Variants in KMT2D observed in about 807,000 individuals in gnomAD.
KMT2D encodes lysine methyltransferase 2D.
KMT2D carries 55 observed loss-of-function variants against 512.7 expected under a neutral mutation model. The ratio of observed to expected loss-of-function variants is 0.11; its 90% CI spans 0.09 to 0.13. The LOEUF is 0.13. Ranked by LOEUF, KMT2D falls within the 10% of genes least tolerant of loss-of-function variation. The probability of loss-of-function intolerance (pLI) is 1.00; values close to 1 mark genes in which losing one functional copy is unlikely to be tolerated. For synonymous variants in KMT2D, 2,995 were observed against 2,904.0 expected (o/e 1.03, Z -1.01); for missense variants, 6,061 against 7,127.9 (o/e 0.85, Z 5.39).
Position 49,039,246 on chromosome 12 carries a change from G to C in KMT2D, c.8342C>G (p.Pro2781Arg), listed in dbSNP as rs766197076. Reference protein sequence around the residue: ...RLSRPPPPATPSSMDVNSRQL... With the variant: ...RLSRPPPPATRSSMDVNSRQL... ...CCGGCTGTTCACATCCATAGAGGAAGGCGTGGCTGGTGGAGGTGGCCGGGA... is the reference window on the plus strand; with the variant it reads ...CCGGCTGTTCACATCCATAGAGGAACGCGTGGCTGGTGGAGGTGGCCGGGA... Residue 2781 changes from proline to arginine, a missense_variant, in exon 34 of 55, where the codon CCT becomes CGT. By Grantham distance (103) the Pro-to-Arg change is moderately radical (BLOSUM62 -2). Around this residue, in one of 16 missense-constraint regions of KMT2D, gnomAD observed 527 missense variants for 578.9 expected, o/e 0.91. Coordinates refer to ENST00000301067, the MANE Select transcript of KMT2D (RefSeq NM_003482.4). This position sits in a 1 kb window ranked among gnomAD's most constrained non-coding sequence, Gnocchi z 5.0. 6.2e-7 allele frequency: 1 copy of C among 1,613,790 alleles called. No individual in the cohort carries two copies.
Position 49,022,749 on chromosome 12 carries a change from G to A in KMT2D, c.16179C>T (p.Thr5393=), listed in dbSNP as rs766403520. The change falls in exon 52 of 55, where the codon ACC becomes ACT. Residue 5393 remains threonine, a synonymous_variant. Coordinates refer to ENST00000301067, the MANE Select transcript of KMT2D (RefSeq NM_003482.4). The surrounding 1 kb of genome is among the most constrained non-coding windows in gnomAD (Gnocchi z 8.6). ...CCAGGTACACGTTGTTCTTCCATTC[G>A]GTGCGCAGCCGCCGGTACTGAGATG... ...SKSSQYRRLR[T]EWKNNVYLAR... The A allele has an allele frequency of 2.8e-5, 45 of 1,613,852 alleles. No homozygotes were observed. Among genetic ancestry groups the A allele is most frequent in the Non-Finnish European group, 3.6e-5 (42 of 1,179,882 alleles).
At position 49,022,465 on chromosome 12, in the gene KMT2D, C is replaced by T; in HGVS notation, c.16339-112G>A. ...GTGGGGGCTTTTGTTGCATGTACTT[C>T]ATTTCTCCTGCCTTTCCCTTCTCCC... is the stretch of plus-strand genomic sequence containing the variant. On this transcript the variant is annotated intron_variant, in intron 52 of 54. Transcript: ENST00000301067. The surrounding 1 kb of genome is among the most constrained non-coding windows in gnomAD (Gnocchi z 8.6). The T allele has an allele frequency of 2.0e-6, 3 of 1,496,270 alleles. No homozygotes were observed. In the South Asian group the frequency reaches 3.6e-5, roughly 18 times the overall value. 92.7% of individuals were successfully genotyped at this position (1,496,270 alleles called of 1,614,324 possible).
At position 49,035,046 on chromosome 12, in the gene KMT2D, G is replaced by A. The variant is rs557647602; in HGVS notation, c.10232-111C>T. The A allele has an allele frequency of 1.3e-4, 175 of 1,347,882 alleles. 2 individuals are homozygous for A. The South Asian group carries it at 1.7e-3, about 13-fold the overall frequency. 83.5% of individuals were successfully genotyped at this position (1,347,882 alleles called of 1,614,324 possible). Reference sequence around the variant, plus strand: ...ACCACGCCAGGCAGAACAATGGCACGGCAAGGCAGAAAGACCACTGAATTA... The same window carrying A: ...ACCACGCCAGGCAGAACAATGGCACAGCAAGGCAGAAAGACCACTGAATTA... On this transcript the variant is annotated intron_variant, in intron 35 of 54. Transcript: ENST00000301067.
At chr12:49,058,990 G>C (rs1204705299) in intron 1 of KMT2D, among the ~76,000 whole-genome samples, 7 of 151,630 alleles carry the variant, frequency 4.6e-5, no homozygotes, top group Non-Finnish European at 1.0e-4. Context: ...GTTTAAAGTT[G>C]AACAGCAGGG....
rs771725967 is a variant in KMT2D, at chr12:49,052,443, G to A, written c.1259-19C>T. On this transcript the variant is annotated intron_variant, in intron 10 of 54. Transcript: ENST00000301067. Reference sequence around the variant, plus strand: ...GCTTTCCCTGCAGACACAACAACACGATGCTCCTATCTAGCTCAGATCTAC... The same window carrying A: ...GCTTTCCCTGCAGACACAACAACACAATGCTCCTATCTAGCTCAGATCTAC... 13 of 1,540,624 alleles carry A rather than the reference G, an allele frequency of 8.4e-6. 1 individual carries two copies. The highest frequency in any genetic ancestry group is 5.0e-5 in the South Asian group (4 of 79,724).
At position 49,054,627 on chromosome 12, in the gene KMT2D, C is replaced by G. The variant is rs771228283; in HGVS notation, c.301G>C (p.Gly101Arg). ...ACTGCCTCATTGGGCCCTGGGCTCC[C>G]CCCAGGGGACACCACTGGACACCGG... ...WPRCPVVSPG[G>R]SPGPNEAVLP... is the part of the protein sequence containing the mutation. Residue 101 changes from glycine to arginine, a missense_variant, in exon 4 of 55, where the codon GGG becomes CGG. By Grantham distance (125) the Gly-to-Arg change is moderately radical. Around this residue, in one of 16 missense-constraint regions of KMT2D, gnomAD observed 144 missense variants for 165.7 expected, o/e 0.87. Coordinates refer to ENST00000301067, the MANE Select transcript of KMT2D (RefSeq NM_003482.4). The surrounding 1 kb of genome is among the most constrained non-coding windows in gnomAD (Gnocchi z 6.4). The G allele has an allele frequency of 6.2e-7, 1 of 1,613,056 alleles. No homozygotes were observed. Among genetic ancestry groups the G allele is most frequent in the Non-Finnish European group, 8.5e-7 (1 of 1,179,474 alleles).
chr12:49,027,575 G>A (rs1382015396), intron 48 of KMT2D, among the ~76,000 whole-genome samples: 3 of 152,004 alleles, frequency 2.0e-5, no homozygotes, highest in East Asian at 1.9e-4. Context: ...TCAGCCTTTC[G>A]AGTAGCTGGG....
At chr12:49,030,870 G>A (rs2120409900) in intron 41 of KMT2D, 23 bp downstream of exon 41, 2 of 1,613,498 alleles carry the variant, frequency 1.2e-6, no homozygotes, top group Non-Finnish European at 8.5e-7. Context: ...TGGGACCAGG[G>A]GGACTGTCTC....
chr12:49,057,969 C>T (rs1227849587), intron 1 of KMT2D, among the ~76,000 whole-genome samples: 1 of 152,222 alleles, frequency 6.6e-6, no homozygotes, highest in African/African-American at 2.4e-5. Context: ...ACTCTCCTTC[C>T]TGCCTCCCTC....
In KMT2D at chr12:49,026,336, G is replaced by A. The variant is rs751602299; in HGVS notation, c.15630C>T (p.Tyr5210=). The A allele has an allele frequency of 1.6e-5, 25 of 1,611,842 alleles. No homozygotes were observed. Among genetic ancestry groups the A allele is most frequent in the Admixed American group, 5.0e-5 (3 of 59,976 alleles). Residue 5210 remains tyrosine (Y), a synonymous_variant, in exon 49 of 55, where the codon TAC becomes TAT. Coordinates refer to ENST00000301067, the MANE Select transcript of KMT2D (RefSeq NM_003482.4). This position sits in a 1 kb window ranked among gnomAD's most constrained non-coding sequence, Gnocchi z 9.6. Reference sequence around the variant, plus strand: ...GGCTCCAATAGATGCGCGTGGCCTCGTAGCCCACGGGATAGAGGGCAGTGG... The same window carrying A: ...GGCTCCAATAGATGCGCGTGGCCTCATAGCCCACGGGATAGAGGGCAGTGG... ...HSATALYPVG[Y]EATRIYWSLR...
rs148688181 is a variant in KMT2D at position 49,034,934 on chromosome 12, G to C, written c.10233C>G (p.Asp3411Glu). Residue 3411 changes from aspartate to glutamate, a missense_variant and splice_region_variant, in exon 36 of 55, where the codon GAC (aspartate) becomes GAG (glutamate). Asp to Glu is a conservative substitution (Grantham distance 45, BLOSUM62 2). Around this residue, in one of 16 missense-constraint regions of KMT2D, gnomAD observed 533 missense variants for 539.6 expected, o/e 0.99. Transcript: ENST00000301067. The part of the protein sequence containing the change: ...QLANSFFPDT[D>E]LDKFAAEDII... The stretch of plus-strand genomic sequence containing the variant: ...TATCTTCTGCAGCAAATTTGTCCAG[G>C]TCTGGAGAGGGGAGAACCAAGTGAG... The C allele has an allele frequency of 6.2e-7, 1 of 1,613,978 alleles. No homozygotes were observed.
In KMT2D at chr12:49,042,631, C is replaced by G. The variant is rs1309156750; in HGVS notation, c.5797G>C (p.Gly1933Arg). 3.7e-6 allele frequency: 6 copies of G among 1,613,428 alleles called. No homozygotes were observed. Among genetic ancestry groups the G allele is most frequent in the Non-Finnish European group, 5.1e-6 (6 of 1,179,654 alleles). Residue 1933 changes from glycine to arginine, a missense_variant, in exon 28 of 55, where the codon GGC (glycine) becomes CGC (arginine). Coordinates refer to ENST00000301067, the MANE Select transcript of KMT2D (RefSeq NM_003482.4). The surrounding 1 kb of genome is among the most constrained non-coding windows in gnomAD (Gnocchi z 4.4). ...ATTGGGCTGCTGGAGGGCAGATTGC[C>G]CAAAGGGAGTCCACCTACAAGACGG... Reference protein sequence around the residue: ...RPFLQGGLPLGNLPSSSPMDS... With the variant: ...RPFLQGGLPLRNLPSSSPMDS...
At position 49,041,383 on chromosome 12, in the gene KMT2D, G is replaced by A. The variant is rs768937333; in HGVS notation, c.6387C>T (p.Pro2129=). 1.2e-6 allele frequency: 2 copies of A among 1,600,772 alleles called. No homozygotes were observed. The highest frequency in any genetic ancestry group is 3.4e-5 in the Admixed American group (2 of 59,014). Residue 2129 remains proline (P), a synonymous_variant, in exon 32 of 55, where the codon CCC becomes CCT. Coordinates refer to ENST00000301067, the MANE Select transcript of KMT2D (RefSeq NM_003482.4). This position sits in a 1 kb window ranked among gnomAD's most constrained non-coding sequence, Gnocchi z 5.4. ...AAAPTIFIGS[P]TTPAGLSTSA... ...AGGTAGACAAGCCGGCGGGGGTAGT[G>A]GGGCTGCCAATGAAAATGGTGGGGG...
rs777308502 is a variant in KMT2D at position 49,055,335 on chromosome 12, G to A, written c.-11C>T. 9.3e-6 allele frequency: 15 copies of A among 1,613,488 alleles called. No homozygotes were observed. Among genetic ancestry groups the A allele is most frequent in the East Asian group, 2.2e-5 (1 of 44,886 alleles). ...CTTCTGGCTGTCCATCCCTCTCTCC[G>A]ACTGGGCAGGGCCCTCTCGGGGAGA... On this transcript the variant is annotated 5_prime_UTR_variant, in exon 2 of 55. Coordinates refer to ENST00000301067, the MANE Select transcript of KMT2D (RefSeq NM_003482.4).
In KMT2D at chr12:49,060,716, G is replaced by A. The variant is rs560581060; in HGVS notation, c.-1141C>T. Among the ~76,000 whole-genome samples the A allele has an allele frequency of 2.6e-5, 4 of 152,382 alleles. No homozygotes were observed. The highest frequency in any genetic ancestry group is 1.3e-4 in the Admixed American group (2 of 15,314). On this transcript the variant is annotated 5_prime_UTR_variant, in exon 1 of 55. Transcript: ENST00000301067. ...AGCCTTCGGCGCTAGATCCGGGGGG[G>A]CCTTTTGCCCGGGGCACCCCACTCG...
rs1283099567 is a variant in KMT2D at position 49,022,900 on chromosome 12, A to T, written c.16053-25T>A. The T allele has an allele frequency of 1.3e-6, 2 of 1,551,518 alleles. No homozygotes were observed. The highest frequency in any genetic ancestry group is 1.7e-6 in the Non-Finnish European group (2 of 1,145,418). On this transcript the variant is annotated intron_variant, in intron 51 of 54. Coordinates refer to ENST00000301067, the MANE Select transcript of KMT2D (RefSeq NM_003482.4). This position sits in a 1 kb window ranked among gnomAD's most constrained non-coding sequence, Gnocchi z 8.6. ...CCTGGGAGGTGATATAATCCATGAC[A>T]AGACAGCTCTCCCTCAGACCAAGTA...
Position 49,044,209 on chromosome 12 carries a change from G to C in KMT2D, c.5179C>G (p.Pro1727Ala), listed in dbSNP as rs1943677422. Residue 1727 changes from proline to alanine, a missense_variant, in exon 22 of 55, where the codon CCC (proline) becomes GCC (alanine). Physicochemically the swap from Pro to Ala is conservative, Grantham distance 27. Around this residue, in one of 16 missense-constraint regions of KMT2D, gnomAD observed 640 missense variants for 814.3 expected, o/e 0.79. Coordinates refer to ENST00000301067, the MANE Select transcript of KMT2D (RefSeq NM_003482.4). This position sits in a 1 kb window ranked among gnomAD's most constrained non-coding sequence, Gnocchi z 6.4. ...QAEVLSGDGQ[P>A]DEVIPADLPA... Reference sequence around the variant, plus strand: ...CCCTCACCCGTCTCACCCTCGTCGGGCTGCCCATCCCCACTCAACACCTCC... The same window carrying C: ...CCCTCACCCGTCTCACCCTCGTCGGCCTGCCCATCCCCACTCAACACCTCC... The C allele has an allele frequency of 6.2e-7, 1 of 1,611,380 alleles. No homozygotes were observed. Among genetic ancestry groups the C allele is most frequent in the Non-Finnish European group, 8.5e-7 (1 of 1,179,650 alleles).
At position 49,040,283 on chromosome 12, in the gene KMT2D, G is replaced by A. The variant is rs2120525880; in HGVS notation, c.7487C>T (p.Ala2496Val). The change falls in exon 32 of 55, where the codon GCA becomes GTA. Residue 2496 changes from alanine (A) to valine (V), a missense_variant. Physicochemically the swap from Ala to Val is moderately conservative, Grantham distance 64. Coordinates refer to ENST00000301067, the MANE Select transcript of KMT2D (RefSeq NM_003482.4). Reference protein sequence around the residue: ...HTSLGAGGFPAALPAGPAGEL... With the variant: ...HTSLGAGGFPVALPAGPAGEL... ...ACCTGCTGGCCCCGCGGGCAGGGCT[G>A]CTGGGAACCCCCCAGCCCCCAGCGA... The A allele has an allele frequency of 6.2e-7, 1 of 1,606,964 alleles. No individual in the cohort carries two copies. Among genetic ancestry groups the A allele is most frequent in the Non-Finnish European group, 8.5e-7 (1 of 1,176,158 alleles).
In KMT2D at chr12:49,038,017, A is replaced by T. The variant is rs2120489235; in HGVS notation, c.9339T>A (p.Ser3113=). 1 of 1,607,876 alleles carries T rather than the reference A, an allele frequency of 6.2e-7. No individual in the cohort carries two copies. The change falls in exon 35 of 55, where the codon TCT becomes TCA. Residue 3113 remains serine (S), a synonymous_variant. Transcript: ENST00000301067. This position sits in a 1 kb window ranked among gnomAD's most constrained non-coding sequence, Gnocchi z 5.7. The part of the protein sequence containing the change: ...AADASEPRLA[S]VLPEVKPKVE... The stretch of plus-strand genomic sequence containing the variant: ...CCTTGGGCTTCACCTCAGGGAGCAC[A>T]GATGCCAGGCGGGGTTCAGAGGCAT...
Sources: allele counts gnomAD v4.1 joint callset (sites outside exome capture counted in the v4.1 genomes callset), GRCh38; gene constraint gnomAD v4.1.1; regional missense constraint gnomAD v4.1.1; non-coding constraint Gnocchi (gnomAD v3.1); transcripts MANE v1.5; gene names NCBI Gene and HGNC (gene_info 2026-07-23, HGNC 2026-07-21).